BPHL: variants seen among roughly 807,000 people sequenced by gnomAD.
BPHL encodes the protein biphenyl hydrolase like.
In BPHL, 27 loss-of-function variants were observed where a neutral mutation model predicts 31.2. That is an observed-to-expected ratio of 0.87 (90% confidence interval 0.64 to 1.19). The LOEUF (loss-of-function observed/expected upper bound fraction) is 1.19, where lower values mean the gene tolerates loss of function less well. Among genes scored for constraint, BPHL ranks in the 50% most tolerant of loss-of-function variants. BPHL has a pLI of 0.00. For missense variants in BPHL, 356 were observed against 375.7 expected, an observed-to-expected ratio of 0.95 and a Z score of 0.43; for synonymous variants, 150 against 146.8, an observed-to-expected ratio of 1.02 and a Z score of -0.16.
chr6:3,119,328 T>G (rs1561786081), intron 1 of BPHL: 2 of 1,551,934 alleles, frequency 1.3e-6, no homozygotes, highest in Non-Finnish European at 1.7e-6. Context: ...TAATCACGGG[T>G]CCCGAGAGCC....
intron 1 of BPHL, among the ~76,000 whole-genome samples, chr6:3,122,373 G>A (rs1327867195): frequency 1.3e-5 from 2 of 152,208 alleles, no homozygotes; most frequent in Non-Finnish European, 2.9e-5. Flanking sequence ...CCTCCTTCTG[G>A]CATCTGTCCT....
At chr6:3,127,767 A>G (rs989327367) in intron 3 of BPHL, among the ~76,000 whole-genome samples, 1 of 152,144 alleles carries the variant, frequency 6.6e-6, no homozygotes, top group Non-Finnish European at 1.5e-5. Flanking sequence ...TACTAGTTGT[A>G]TGATAGGCAC....
rs139245353 is a variant in BPHL, at chr6:3,140,966, T to C, written c.788+457T>C. ...CCCTACTCAGCACAGTTAATGGTAG[T>C]GTTCCCTGTCCCTAAAGCCCCCAGG... On this transcript the variant is annotated intron_variant, in intron 6 of 6. Coordinates refer to ENST00000380379, the MANE Select transcript of BPHL (RefSeq NM_004332.4). This position sits in a 1 kb window ranked among gnomAD's most constrained non-coding sequence, Gnocchi z 5.2. Among the ~76,000 whole-genome samples, 373 of 152,358 alleles carry C rather than the reference T, an allele frequency of 2.4e-3. 2 individuals are homozygous for C. Among genetic ancestry groups the C allele is most frequent in the African/African-American group, 8.4e-3 (348 of 41,594 alleles).
At position 3,143,899 on chromosome 6, in the gene BPHL, G is replaced by A. The variant is rs542931562; in HGVS notation, c.788+3390G>A. On this transcript the variant is annotated intron_variant, in intron 6 of 6. Transcript: ENST00000380379. ...GCAAACGATGAGTCCCTCGCCTCTC[G>A]CCTGCGGCCCTTCTCCACCCCTCAG... is the stretch of plus-strand genomic sequence containing the variant. Among the ~76,000 whole-genome samples the A allele has an allele frequency of 2.6e-5, 4 of 152,236 alleles. No homozygotes were observed. The South Asian group carries it at 8.3e-4, about 32-fold the overall frequency.
chr6:3,127,914 G>A (rs555926496), intron 3 of BPHL, among the ~76,000 whole-genome samples: 2 of 151,842 alleles, frequency 1.3e-5, no homozygotes, highest in African/African-American at 2.4e-5. Context: ...TCTGCCTCCC[G>A]GGTTCAAACG....
intron 4 of BPHL, among the ~76,000 whole-genome samples, chr6:3,134,438 CTTTTTT>C (rs554446648): frequency 7.5e-6 from 1 of 132,576 alleles, no homozygotes; most frequent in Non-Finnish European, 1.6e-5. Flanking sequence ...CTTTTCTTTC[CTTTTTT>C]TTTTTTTTTT....
chr6:3,142,745 C>A (rs1762215930), intron 6 of BPHL, among the ~76,000 whole-genome samples: 1 of 152,114 alleles, frequency 6.6e-6, no homozygotes, highest in Admixed American at 6.5e-5. Flanking sequence ...GAATAAGATA[C>A]CAGGTGACCT....
chr6:3,137,224 C>G, intron 4 of BPHL, 138 bp from the exon 5 acceptor site: 1 of 1,143,084 alleles, frequency 8.7e-7, no homozygotes, highest in South Asian at 1.5e-5. Flanking sequence ...CTAAGCCGAG[C>G]AGAGGGAGGG....
At chr6:3,147,164 G>A (rs1159956973) in intron 6 of BPHL, among the ~76,000 whole-genome samples, 2 of 152,126 alleles carry the variant, frequency 1.3e-5, no homozygotes, top group East Asian at 3.9e-4. Context: ...AGGAGGCTGA[G>A]GTAGGAGAAT....
chr6:3,137,351 C>T lies in BPHL; in HGVS notation c.533-11C>T. 1 of 1,610,258 alleles carries T rather than the reference C, an allele frequency of 6.2e-7. No homozygotes were observed. ...ATTAAACCTTTCTTCGCCTACACTT[C>T]TGTTTTTCAGGCATCCGAGATGTTT... On this transcript the variant is annotated splice_polypyrimidine_tract_variant and intron_variant, in intron 4 of 6. Coordinates refer to ENST00000380379, the MANE Select transcript of BPHL (RefSeq NM_004332.4).
chr6:3,126,160 C>G (rs1476099291), intron 2 of BPHL, among the ~76,000 whole-genome samples: 1 of 152,012 alleles, frequency 6.6e-6, no homozygotes, highest in African/African-American at 2.4e-5. Context: ...CATACCCCTT[C>G]TGCATTTCAG....
At chr6:3,129,393 A>G (rs1301873568) in intron 4 of BPHL, among the ~76,000 whole-genome samples, 195 bp downstream of exon 4, 1 of 152,278 alleles carries the variant, frequency 6.6e-6, no homozygotes. Context: ...TTCTGTTTCC[A>G]GGAGTGAAAC....
At chr6:3,119,618 G>T in intron 1 of BPHL, 1 of 1,477,068 alleles carries the variant, frequency 6.8e-7, no homozygotes, top group Non-Finnish European at 9.3e-7. Flanking sequence ...AGAGCGGCAT[G>T]AAGCTTGTTT....
upstream of BPHL, chr6:3,118,679 G>T (rs886148691): frequency 1.7e-6 from 2 of 1,172,252 alleles, no homozygotes; most frequent in South Asian, 8.1e-5. Flanking sequence ...GGGCAGAGTG[G>T]GCCGGGTACC....
At chr6:3,143,664 C>T (rs529156286) in intron 6 of BPHL, among the ~76,000 whole-genome samples, 20 of 152,286 alleles carry the variant, frequency 1.3e-4, no homozygotes, top group African/African-American at 4.8e-4. Context: ...GTACAGCGGT[C>T]GTAATAGATT....
intron 4 of BPHL, among the ~76,000 whole-genome samples, chr6:3,131,526 A>G (rs891606992): frequency 1.3e-5 from 2 of 152,130 alleles, no homozygotes; most frequent in Non-Finnish European, 2.9e-5. Context: ...CGCTAGCTTC[A>G]TATGGTAGTT....
rs1325792712 is a variant in BPHL, at chr6:3,139,319, T to G, written c.665-1067T>G. On this transcript the variant is annotated intron_variant, in intron 5 of 6. Coordinates refer to ENST00000380379, the MANE Select transcript of BPHL (RefSeq NM_004332.4). Reference sequence around the variant, plus strand: ...TGAGTTAAAACATGTAACTACTGTGTTTAACAGATGTGAAATTGTTTAAAC... The same window carrying G: ...TGAGTTAAAACATGTAACTACTGTGGTTAACAGATGTGAAATTGTTTAAAC... The G allele has an allele frequency of 5.3e-5, 8 of 152,368 alleles. 1 individual carries two copies. Among genetic ancestry groups the G allele is most frequent in the Admixed American group, 4.6e-4 (7 of 15,308 alleles). The allele number at this position is 152,368 out of a possible 1,614,324, so 9.4% of individuals were successfully genotyped here. A position where few individuals can be genotyped will look rare whatever the true frequency, so the allele number is the denominator to read the frequency against.
intron 6 of BPHL, chr6:3,150,271 C>CTG (rs777670531): frequency 6.6e-6 from 1 of 152,188 alleles, no homozygotes; most frequent in African/African-American, 2.4e-5. Context: ...TTGTTACTGT[C>CTG]TGTAACTCCC....
chr6:3,136,971 AG>A (rs1762029754), intron 4 of BPHL, among the ~76,000 whole-genome samples: 3 of 152,246 alleles, frequency 2.0e-5, no homozygotes, highest in Non-Finnish European at 4.4e-5. Context: ...GCTCTTCCTC[AG>A]GTGACCCTGT....
Sources: allele counts gnomAD v4.1 joint callset (sites outside exome capture counted in the v4.1 genomes callset), GRCh38; gene constraint gnomAD v4.1.1; non-coding constraint Gnocchi (gnomAD v3.1); transcripts MANE v1.5; gene names NCBI Gene and HGNC (gene_info 2026-07-23, HGNC 2026-07-21).